The following KAZN variants were observed in gnomAD, a reference collection of about 807,000 sequenced individuals.
The protein encoded by KAZN is kazrin, periplakin interacting protein.
A neutral mutation model predicts 87.4 loss-of-function variants in KAZN; 40 were observed. The observed-to-expected ratio is 0.46, with a 90% confidence interval of 0.36 to 0.60. The LOEUF (loss-of-function observed/expected upper bound fraction) is 0.60. Among genes scored for constraint, KAZN ranks in the 20% least tolerant of loss-of-function variants. The pLI is 0.00. For synonymous variants in KAZN, 466 were observed against 458.3 expected, an observed-to-expected ratio of 1.02 and a Z score of -0.22; for missense variants, 898 against 1,073.9, an observed-to-expected ratio of 0.84 and a Z score of 2.29.
chr1:14,175,127 G>A (rs1300427064), intron 1 of KAZN, among the ~76,000 whole-genome samples: 1 of 152,132 alleles, frequency 6.6e-6, no homozygotes, highest in Admixed American at 6.6e-5. Flanking sequence ...TTTTTGAAAT[G>A]GAATCTCACT....
chr1:14,891,830 T>G (rs1422918745), intron 1 of KAZN, among the ~76,000 whole-genome samples: 2 of 152,186 alleles, frequency 1.3e-5, no homozygotes, highest in Non-Finnish European at 2.9e-5. Flanking sequence ...GAATAGCTAT[T>G]TCTTCTAAAA....
intron 1 of KAZN, among the ~76,000 whole-genome samples, chr1:14,915,591 GA>G (rs1193317724): frequency 1.3e-5 from 2 of 152,218 alleles, no homozygotes; most frequent in Non-Finnish European, 2.9e-5. Context: ...GGTTCCCTCT[GA>G]GTCCCCCCTC....
intron 2 of KAZN, among the ~76,000 whole-genome samples, chr1:14,486,961 A>G (rs1056181156): frequency 5.3e-5 from 8 of 152,226 alleles, no homozygotes; most frequent in African/African-American, 1.7e-4. Flanking sequence ...CTTGTGGCCA[A>G]GTTAAACAGA....
intron 2 of KAZN, among the ~76,000 whole-genome samples, chr1:15,005,618 T>C (rs530710546): frequency 3.6e-4 from 54 of 152,056 alleles, no homozygotes; most frequent in African/African-American, 1.2e-3. Context: ...AAACCCCATC[T>C]CTACTAAAAA....
chr1:14,841,863 T>G (rs1387076433), intron 1 of KAZN, among the ~76,000 whole-genome samples: 2 of 152,218 alleles, frequency 1.3e-5, no homozygotes, highest in African/African-American at 4.8e-5. Context: ...TACTCATCTC[T>G]GTTCATCCTG....
In KAZN at chr1:14,681,637, A is replaced by G. The variant is rs867320353; in HGVS notation, c.226+82414A>G. Reference sequence around the variant, plus strand: ...TGTATATATATATATATATATATATATATATATATATATATATATATTTTT... The same window carrying G: ...TGTATATATATATATATATATATATGTATATATATATATATATATATTTTT... On this transcript the variant is annotated intron_variant, in intron 1 of 14. Coordinates refer to ENST00000376030, the MANE Select transcript of KAZN (RefSeq NM_201628.3). 5.3e-3 allele frequency among the ~76,000 whole-genome samples: 101 copies of G among 18,976 alleles called. 2 individuals carry two copies. The highest frequency in any genetic ancestry group is 0.018 in the African/African-American group (81 of 4,552). The allele number at this position is 18,976 out of a possible 152,430, so 12.4% of individuals were successfully genotyped here. A position where few individuals can be genotyped will look rare whatever the true frequency, so the allele number is the denominator to read the frequency against.
At chr1:14,225,150 C>T (rs989026089) in intron 2 of KAZN, among the ~76,000 whole-genome samples, 3 of 152,090 alleles carry the variant, frequency 2.0e-5, no homozygotes, top group Middle Eastern at 6.8e-3. Context: ...CCTAGAAAAC[C>T]CCAGTCTTTG....
At chr1:14,498,266 G>A (rs180777402) in intron 2 of KAZN, among the ~76,000 whole-genome samples, 41 of 152,314 alleles carry the variant, frequency 2.7e-4, no homozygotes, top group African/African-American at 9.6e-4. Flanking sequence ...CCTATTGGTA[G>A]CACTGTGCCA....
intron 2 of KAZN, among the ~76,000 whole-genome samples, chr1:15,003,154 A>G (rs1293139060): frequency 6.6e-6 from 1 of 152,028 alleles, no homozygotes; most frequent in South Asian, 2.1e-4. Context: ...GTTACGTGGC[A>G]CTCGTTAGCC....
intron 1 of KAZN, among the ~76,000 whole-genome samples, chr1:14,899,425 G>A (rs1350245073): frequency 1.3e-5 from 2 of 152,144 alleles, no homozygotes; most frequent in Non-Finnish European, 2.9e-5. Flanking sequence ...GTGAACTTGG[G>A]TCTGAGCCAT....
At chr1:14,292,060 AT>A (rs925456686) in intron 2 of KAZN, among the ~76,000 whole-genome samples, 7 of 152,100 alleles carry the variant, frequency 4.6e-5, no homozygotes, top group African/African-American at 1.7e-4. Context: ...ACCCCCTGTA[AT>A]TTTTTTGCTT....
chr1:15,046,868 C>T (rs1282229891), intron 4 of KAZN, among the ~76,000 whole-genome samples: 1 of 152,194 alleles, frequency 6.6e-6, no homozygotes, highest in Non-Finnish European at 1.5e-5. Context: ...AGGAAAAGGC[C>T]CCTGTTCTCC....
chr1:14,678,309 T>G (rs1465307130), intron 1 of KAZN, among the ~76,000 whole-genome samples: 1 of 152,182 alleles, frequency 6.6e-6, no homozygotes, highest in Non-Finnish European at 1.5e-5. Flanking sequence ...TCTCCCGTAC[T>G]GGAGGCTTCC....
rs72866879 is a variant in KAZN at position 14,716,182 on chromosome 1, T to G, written c.226+116959T>G. ...GTATGTATGTACACGTGTGTGTGTG[T>G]GTCAGTGTGTGTGCATTGGAAGGGC... On this transcript the variant is annotated intron_variant, in intron 1 of 14. Transcript: ENST00000376030. Among the ~76,000 whole-genome samples, 522 of 152,318 alleles carry G rather than the reference T, an allele frequency of 3.4e-3. 4 individuals are homozygous for G. Among genetic ancestry groups the G allele is most frequent in the African/African-American group, 0.012 (500 of 41,574 alleles).
intron 1 of KAZN, among the ~76,000 whole-genome samples, chr1:14,722,798 C>T (rs111457166): frequency 1.3e-4 from 20 of 152,214 alleles, no homozygotes; most frequent in African/African-American, 4.6e-4. Flanking sequence ...CCTGTTCCTA[C>T]GTGAGTTTGA....
intron 1 of KAZN, among the ~76,000 whole-genome samples, chr1:13,982,110 C>T (rs1251528207): frequency 6.6e-6 from 1 of 152,182 alleles, no homozygotes; most frequent in Non-Finnish European, 1.5e-5. Flanking sequence ...GGTCCAGGGC[C>T]TAGAGGGACT....
At chr1:14,953,439 G>C (rs1662734444) in intron 1 of KAZN, among the ~76,000 whole-genome samples, 2 of 152,212 alleles carry the variant, frequency 1.3e-5, no homozygotes, top group African/African-American at 4.8e-5. Flanking sequence ...CCAAACCCTG[G>C]CTCTGCTCTT....
chr1:15,099,547 T>TG lies in KAZN; in HGVS notation c.1548-1990dup, dbSNP rs993384115. Among the ~76,000 whole-genome samples, 6 of 150,122 alleles carry TG rather than the reference T, an allele frequency of 4.0e-5. No homozygotes were observed. The highest frequency in any genetic ancestry group is 7.4e-5 in the African/African-American group (3 of 40,622). On this transcript the variant is annotated intron_variant, in intron 10 of 14. Coordinates refer to ENST00000376030, the MANE Select transcript of KAZN (RefSeq NM_201628.3). This position sits in a 1 kb window ranked among gnomAD's most constrained non-coding sequence, Gnocchi z 5.4. ...GCAAGGGGCTGGCCGGGGAGGGGAA[T>TG]GGGGGGTGAAGAGCTCAGTGCCTCC...
At chr1:15,047,043 A>G (rs1040318124) in intron 4 of KAZN, among the ~76,000 whole-genome samples, 20 of 152,222 alleles carry the variant, frequency 1.3e-4, no homozygotes, top group Non-Finnish European at 2.5e-4. Flanking sequence ...GCTCTGGCCA[A>G]GAAAACTCAG....
Sources: allele counts gnomAD v4.1 joint callset (sites outside exome capture counted in the v4.1 genomes callset), GRCh38; gene constraint gnomAD v4.1.1; non-coding constraint Gnocchi (gnomAD v3.1); transcripts MANE v1.5; gene names NCBI Gene and HGNC (gene_info 2026-07-23, HGNC 2026-07-21).